PRKCH: variants seen among roughly 807,000 people sequenced by gnomAD.
PRKCH encodes the protein protein kinase C eta type.
In PRKCH, 28 loss-of-function variants were observed where a neutral mutation model predicts 82.5. That is an observed-to-expected ratio of 0.34 (90% CI 0.25 to 0.47). The LOEUF is 0.47. Ranked by LOEUF, PRKCH falls within the 20% of genes least tolerant of loss-of-function variation. The pLI, the probability that PRKCH is intolerant of heterozygous loss-of-function variation, is 1.00. For missense variants in PRKCH, 705 were observed against 881.8 expected (o/e 0.80, Z 2.54); for synonymous variants, 322 against 327.4 (o/e 0.98, Z 0.18).
chr14:61,307,465 G>A (rs567977409), intron 1 of PRKCH, among the ~76,000 whole-genome samples: 1 of 152,202 alleles, frequency 6.6e-6, no homozygotes, highest in South Asian at 2.1e-4. Context: ...AATCAGATAA[G>A]GCCTATTGAT....
intron 10 of PRKCH, among the ~76,000 whole-genome samples, chr14:61,499,040 T>G (rs1886783607): frequency 6.6e-6 from 1 of 152,150 alleles, no homozygotes; most frequent in Non-Finnish European, 1.5e-5. Flanking sequence ...AACCAAGGAT[T>G]AGACCGAGGC....
chr14:61,323,167 T>C (rs752510231), intron 1 of PRKCH, among the ~76,000 whole-genome samples: 25 of 152,198 alleles, frequency 1.6e-4, no homozygotes, highest in Admixed American at 2.0e-4. Context: ...CAGGAGGTTG[T>C]TAACTGTCTT....
intron 1 of PRKCH, among the ~76,000 whole-genome samples, chr14:61,291,873 C>G (rs541018112): frequency 1.3e-5 from 2 of 152,246 alleles, no homozygotes; most frequent in African/African-American, 4.8e-5. Flanking sequence ...CAGCCTATAA[C>G]TGATTTCAGT....
At position 61,409,387 on chromosome 14, in the gene PRKCH, A is replaced by G. The variant is rs144434283; in HGVS notation, c.427+18099A>G. Reference sequence around the variant, plus strand: ...GTACAGATACAGAAATGCAATGAGAACCTTCTCCCTGTAGTTCTGTTAAGA... The same window carrying G: ...GTACAGATACAGAAATGCAATGAGAGCCTTCTCCCTGTAGTTCTGTTAAGA... On this transcript the variant is annotated intron_variant, in intron 2 of 13. Coordinates refer to ENST00000332981, the MANE Select transcript of PRKCH (RefSeq NM_006255.5). Among the ~76,000 whole-genome samples the G allele has an allele frequency of 3.3e-5, 5 of 152,244 alleles. No homozygotes were observed. The East Asian group carries it at 9.7e-4, about 29-fold the overall frequency.
Position 61,423,339 on chromosome 14 carries a change from G to T in PRKCH, c.428-19772G>T, listed in dbSNP as rs76997831. On this transcript the variant is annotated intron_variant, in intron 2 of 13. Coordinates refer to ENST00000332981, the MANE Select transcript of PRKCH (RefSeq NM_006255.5). ...GGAGGATCCAAAACTGTAAAATCTA[G>T]CTCTGATCTCCTACAAATTTTTGGT... 7.1e-4 allele frequency among the ~76,000 whole-genome samples: 108 copies of T among 152,320 alleles called. 1 individual carries two copies. In the East Asian group the frequency reaches 0.019, roughly 27 times the overall value.
At position 61,438,173 on chromosome 14, in the gene PRKCH, C is replaced by T. The variant is rs528721689; in HGVS notation, c.428-4938C>T. On this transcript the variant is annotated intron_variant, in intron 2 of 13. Coordinates refer to ENST00000332981, the MANE Select transcript of PRKCH (RefSeq NM_006255.5). ...CCACCGAGCTTATAAGGGAAGAAGCCGTCTGCACACCCCAGGCTCCAGATT... is the reference window on the plus strand; with the variant it reads ...CCACCGAGCTTATAAGGGAAGAAGCTGTCTGCACACCCCAGGCTCCAGATT... Among the ~76,000 whole-genome samples the T allele has an allele frequency of 2.6e-3, 398 of 152,104 alleles. 16 individuals carry two copies. In the South Asian group the frequency reaches 0.075, roughly 29 times the overall value.
intron 2 of PRKCH, among the ~76,000 whole-genome samples, chr14:61,432,737 G>A (rs1883467053): frequency 6.6e-6 from 1 of 152,210 alleles, no homozygotes; most frequent in African/African-American, 2.4e-5. Flanking sequence ...CTGCCACCAG[G>A]CACAGAAAGA....
Position 61,479,825 on chromosome 14 carries a change from A to G in PRKCH, c.1279-5677A>G, listed in dbSNP as rs572556243. On this transcript the variant is annotated intron_variant, in intron 9 of 13. Transcript: ENST00000332981. Reference sequence around the variant, plus strand: ...CAGAGCAAGTGACGACAGGAATTCTATTATCACCAGGCAGCAGCTCCTCTG... The same window carrying G: ...CAGAGCAAGTGACGACAGGAATTCTGTTATCACCAGGCAGCAGCTCCTCTG... Among the ~76,000 whole-genome samples the G allele has an allele frequency of 7.2e-5, 11 of 152,256 alleles. No individual in the cohort carries two copies. In the South Asian group the frequency reaches 1.0e-3, roughly 14 times the overall value.
intron 1 of PRKCH, among the ~76,000 whole-genome samples, chr14:61,274,111 G>C (rs1237366068): frequency 6.6e-6 from 1 of 152,206 alleles, no homozygotes; most frequent in African/African-American, 2.4e-5. Flanking sequence ...ATAGGGCATG[G>C]GAGAGGCAAA....
chr14:61,271,735 G>A (rs954375694), intron 1 of PRKCH, among the ~76,000 whole-genome samples: 12 of 152,148 alleles, frequency 7.9e-5, no homozygotes, highest in African/African-American at 2.7e-4. Context: ...AACATTGCCT[G>A]GAAAGTGCTC....
chr14:61,384,383 T>C (rs1268271802), intron 1 of PRKCH, among the ~76,000 whole-genome samples: 2 of 152,162 alleles, frequency 1.3e-5, no homozygotes, highest in African/African-American at 4.8e-5. Context: ...AGCAGATGCC[T>C]AGACCCCGTT....
chr14:61,506,463 T>C (rs1887154318), intron 10 of PRKCH, among the ~76,000 whole-genome samples: 1 of 152,064 alleles, frequency 6.6e-6, no homozygotes, highest in African/African-American at 2.4e-5. Context: ...TAGTGTGCAA[T>C]GCTGGCCCTC....
intron 2 of PRKCH, among the ~76,000 whole-genome samples, chr14:61,395,299 C>CCA (rs1566857184): frequency 7.5e-5 from 11 of 147,616 alleles, no homozygotes; most frequent in East Asian, 2.0e-4. Context: ...AGCCCCCCCC[C>CCA]GCATTTGCCT....
At chr14:61,487,913 G>A (rs1886297009) in intron 10 of PRKCH, among the ~76,000 whole-genome samples, 4 of 152,078 alleles carry the variant, frequency 2.6e-5, no homozygotes, top group African/African-American at 7.2e-5. Context: ...CAGCACTCTG[G>A]GAGGCCGAGG....
chr14:61,367,233 A>G (rs898579344), intron 1 of PRKCH, among the ~76,000 whole-genome samples: 2 of 152,176 alleles, frequency 1.3e-5, no homozygotes, highest in East Asian at 1.9e-4. Context: ...TCAGCAGGTA[A>G]TTCTCAAAGG....
chr14:61,457,161 TTCTTAC>T lies in PRKCH; in HGVS notation c.961-10_961-5del. On this transcript the variant is annotated splice_polypyrimidine_tract_variant and intron_variant, in intron 7 of 13. Transcript: ENST00000332981. ...CTGCTGCAATTTCTGACTTAATGTGTTCTTACTCTTTCAGAAACTCGTTTCCAGATC... is the reference window on the plus strand; with the variant it reads ...CTGCTGCAATTTCTGACTTAATGTGTTCTTTCAGAAACTCGTTTCCAGATC... The T allele has an allele frequency of 6.2e-7, 1 of 1,613,404 alleles. No homozygotes were observed. The highest frequency in any genetic ancestry group is 8.5e-7 in the Non-Finnish European group (1 of 1,179,576).
chr14:61,449,455 T>C (rs1462793818), intron 5 of PRKCH, among the ~76,000 whole-genome samples: 1 of 152,038 alleles, frequency 6.6e-6, no homozygotes, highest in African/African-American at 2.4e-5. Flanking sequence ...CTCTCTCCCT[T>C]TTTTTAAATT....
chr14:61,350,368 C>A (rs2140147433), intron 1 of PRKCH, among the ~76,000 whole-genome samples: 1 of 152,260 alleles, frequency 6.6e-6, no homozygotes, highest in East Asian at 1.9e-4. Context: ...TGTATACAAA[C>A]AGTATACAAA....
At chr14:61,398,393 A>T (rs1054315170) in intron 2 of PRKCH, among the ~76,000 whole-genome samples, 6 of 152,250 alleles carry the variant, frequency 3.9e-5, no homozygotes, top group Non-Finnish European at 8.8e-5. Flanking sequence ...AACAGAAAGA[A>T]ATTAAAGTAT....
Sources: gnomAD v4.1 joint callset for allele counts (sites outside exome capture counted in the v4.1 genomes callset) on GRCh38, gnomAD v4.1.1 for gene constraint, MANE v1.5 for transcripts, NCBI Gene and HGNC (gene_info 2026-07-23, HGNC 2026-07-21) for gene names.